Variants in MAP3K13 observed in about 807,000 individuals in gnomAD.
MAP3K13 encodes the protein leucine zipper-bearing kinase.
MAP3K13 carries 52 observed loss-of-function variants against 104.0 expected under a neutral mutation model. That is an observed-to-expected ratio of 0.50 (90% CI 0.40 to 0.63). The LOEUF (loss-of-function observed/expected upper bound fraction) is 0.63, where lower values mean the gene tolerates loss of function less well. Among genes scored for constraint, MAP3K13 ranks in the 20% least tolerant of loss-of-function variants. MAP3K13 has a pLI of 0.00. For synonymous variants in MAP3K13, 394 were observed against 442.2 expected (o/e 0.89, Z 1.37); for missense variants, 914 against 1,218.5 (o/e 0.75, Z 3.72).
intron 1 of MAP3K13, chr3:185,283,033 C>CGG (rs1720359767): frequency 6.6e-6 from 1 of 152,496 alleles, no homozygotes; most frequent in African/African-American, 2.4e-5. Flanking sequence ...GACAGGTAAC[C>CGG]TGCGGGCGGA....
intron 1 of MAP3K13, among the ~76,000 whole-genome samples, chr3:185,421,996 T>C (rs759783044): frequency 6.6e-6 from 1 of 152,236 alleles, no homozygotes; most frequent in Non-Finnish European, 1.5e-5. Context: ...ATATTCTTGG[T>C]GAGCATGAGG....
chr3:185,447,646 A>C, intron 4 of MAP3K13, 143 bp from the exon 5 acceptor site: 1 of 611,650 alleles, frequency 1.6e-6, no homozygotes, highest in Non-Finnish European at 2.8e-6. Context: ...GTGTATAGCC[A>C]ATGCCCCAGT....
intron 2 of MAP3K13, among the ~76,000 whole-genome samples, chr3:185,334,265 T>A (rs7612769): frequency 0.79 from 119,541 of 152,150 alleles, 47,352 homozygotes; most frequent in Middle Eastern, 0.85. Context: ...ATCTAATGCA[T>A]TCCCAATCAA....
In MAP3K13 at chr3:185,417,997, T is replaced by C. The variant is rs983939246; in HGVS notation, c.-85-10500T>C. 7 of 1,611,016 alleles carry C rather than the reference T, an allele frequency of 4.3e-6. No homozygotes were observed. The Admixed American group carries it at 8.3e-5, about 19-fold the overall frequency. On this transcript the variant is annotated intron_variant, in intron 1 of 13. Coordinates refer to ENST00000265026, the MANE Select transcript of MAP3K13 (RefSeq NM_004721.5). The stretch of plus-strand genomic sequence containing the variant: ...TTTACGCCAAGTGCCATACAATTCA[T>C]CTAACTTCCGGAAAGCACTTTCAGT...
At chr3:185,377,879 C>T (rs1001665065) in intron 1 of MAP3K13, among the ~76,000 whole-genome samples, 3 of 152,196 alleles carry the variant, frequency 2.0e-5, no homozygotes, top group South Asian at 2.1e-4. Context: ...GGCTGCCGGG[C>T]GAGTTGGACA....
intron 7 of MAP3K13, among the ~76,000 whole-genome samples, chr3:185,455,614 TGA>T (rs1158346710): frequency 2.4e-4 from 27 of 110,224 alleles, no homozygotes; most frequent in Admixed American, 3.2e-4. Flanking sequence ...ATCATATATA[TGA>T]GATATATGAT....
intron 1 of MAP3K13, among the ~76,000 whole-genome samples, chr3:185,392,421 G>A (rs1712116529): frequency 6.6e-6 from 1 of 152,224 alleles, no homozygotes; most frequent in Non-Finnish European, 1.5e-5. Flanking sequence ...TAACAGAGAT[G>A]AGCCCTAAAG....
intron 2 of MAP3K13, among the ~76,000 whole-genome samples, chr3:185,337,981 TG>T (rs1428187882): frequency 5.3e-5 from 8 of 152,144 alleles, no homozygotes. Context: ...AAGGGCTGCC[TG>T]TATAAACTAT....
rs1721035418 is a variant in MAP3K13 at position 185,299,701 on chromosome 3, G to C, written c.-86+14058G>C. ...CCTGCCTCAGCCTCCCGAGTAGCTG[G>C]GACTACAGGCGCCCGCCACCGCGCC... is the stretch of plus-strand genomic sequence containing the variant. On this transcript the variant is annotated intron_variant, in intron 2 of 14. Coordinates refer to the MAP3K13 transcript ENST00000424227. Among the ~76,000 whole-genome samples, 2 of 47,636 alleles carry C rather than the reference G, an allele frequency of 4.2e-5. 1 individual carries two copies. The highest frequency in any genetic ancestry group is 4.0e-4 in the Admixed American group (2 of 4,962). The allele number at this position is 47,636 out of a possible 152,430, so 31.3% of individuals were successfully genotyped here. A position where few individuals can be genotyped will look rare whatever the true frequency, so the allele number is the denominator to read the frequency against.
chr3:185,339,228 A>G (rs565230718), intron 2 of MAP3K13, among the ~76,000 whole-genome samples: 1 of 152,264 alleles, frequency 6.6e-6, no homozygotes, highest in East Asian at 1.9e-4. Flanking sequence ...TTGAGGCAGG[A>G]GAATTGCTTG....
intron 1 of MAP3K13, among the ~76,000 whole-genome samples, chr3:185,402,303 T>C (rs1019384780): frequency 1.3e-5 from 2 of 152,176 alleles, no homozygotes; most frequent in Admixed American, 1.3e-4. Flanking sequence ...AGTATCACAA[T>C]TTATTTATTT....
At chr3:185,426,353 T>G (rs1285102503) in intron 1 of MAP3K13, among the ~76,000 whole-genome samples, 1 of 152,234 alleles carries the variant, frequency 6.6e-6, no homozygotes, top group Non-Finnish European at 1.5e-5. Context: ...GTTTTGGGAT[T>G]ACAGGCGTGA....
intron 4 of MAP3K13, among the ~76,000 whole-genome samples, chr3:185,445,176 C>T (rs117449739): frequency 6.6e-6 from 1 of 152,148 alleles, no homozygotes; most frequent in East Asian, 1.9e-4. Flanking sequence ...GAGATTAGCC[C>T]AAAGTCATGG....
chr3:185,320,652 A>G (rs1203024837), intron 2 of MAP3K13, among the ~76,000 whole-genome samples: 1 of 152,238 alleles, frequency 6.6e-6, no homozygotes. Flanking sequence ...TTGCTCATAG[A>G]CAAATGTAAA....
At chr3:185,317,226 A>G (rs1317701250) in intron 2 of MAP3K13, among the ~76,000 whole-genome samples, 2 of 152,318 alleles carry the variant, frequency 1.3e-5, no homozygotes, top group East Asian at 1.9e-4. Flanking sequence ...TTCCAGAGCA[A>G]TCTTTATTGT....
At chr3:185,303,197 G>A (rs1476190455) in intron 2 of MAP3K13, among the ~76,000 whole-genome samples, 1 of 152,112 alleles carries the variant, frequency 6.6e-6, no homozygotes, top group South Asian at 2.1e-4. Context: ...TTATCATAAT[G>A]TATAATCCCT....
At chr3:185,460,189 C>T (rs1717017212) in intron 7 of MAP3K13, among the ~76,000 whole-genome samples, 1 of 152,168 alleles carries the variant, frequency 6.6e-6, no homozygotes, top group Admixed American at 6.5e-5. Context: ...CCAGTGGATG[C>T]CTAAACCTTG....
intron 2 of MAP3K13, among the ~76,000 whole-genome samples, chr3:185,330,789 A>C (rs1722238016): frequency 6.6e-6 from 1 of 152,172 alleles, no homozygotes; most frequent in African/African-American, 2.4e-5. Context: ...CTCGTGCCCT[A>C]CAAACCAGCC....
At chr3:185,409,251 C>T (rs138528831) in intron 1 of MAP3K13, among the ~76,000 whole-genome samples, 2,755 of 152,244 alleles carry the variant, frequency 0.018, 45 homozygotes, top group Non-Finnish European at 0.028. Flanking sequence ...GCCTGTAGTC[C>T]CAGCTACTTG....
Sources: allele counts gnomAD v4.1 joint callset (sites outside exome capture counted in the v4.1 genomes callset), GRCh38; gene constraint gnomAD v4.1.1; transcripts MANE v1.5; gene names NCBI Gene and HGNC (gene_info 2026-07-23, HGNC 2026-07-21).